Variants in LRRC40 observed in about 807,000 individuals in gnomAD.
LRRC40 encodes the protein leucine-rich repeat-containing protein 40.
LRRC40 carries 76 observed loss-of-function variants against 72.8 expected under a neutral mutation model. The observed-to-expected ratio is 1.04, with a 90% CI of 0.87 to 1.26. The LOEUF is 1.26. LRRC40 is among the 50% of genes most tolerant of loss of function. LRRC40 has a pLI of 0.00. For synonymous variants in LRRC40, 243 were observed against 254.2 expected, an observed-to-expected ratio of 0.96 and a Z score of 0.42; for missense variants, 684 against 698.9, an observed-to-expected ratio of 0.98 and a Z score of 0.24.
chr1:70,194,360 A>T (rs1668564090), intron 1 of LRRC40, among the ~76,000 whole-genome samples: 2 of 151,540 alleles, frequency 1.3e-5, no homozygotes. Context: ...CGAAACCATG[A>T]AATAGTATTA....
rs1225915444 is a variant in LRRC40 at position 70,144,902 on chromosome 1, G to C, written c.*898C>G. On this transcript the variant is annotated 3_prime_UTR_variant, in exon 15 of 15. Transcript: ENST00000370952. ...ATAAGCATGCCTCAATCATCCAAAA[G>C]CTATCTACCTATCTATATAAATTGA... 1 of 151,970 alleles carries C rather than the reference G, an allele frequency of 6.6e-6. No homozygotes were observed. Among genetic ancestry groups the C allele is most frequent in the Non-Finnish European group, 1.5e-5 (1 of 68,000 alleles). 9.4% of individuals were successfully genotyped at this position (151,970 alleles called of 1,614,324 possible).
At position 70,181,101 on chromosome 1, in the gene LRRC40, T is replaced by C. The variant is rs753150820; in HGVS notation, c.646A>G (p.Ile216Val). Reference sequence around the variant, plus strand: ...AAATATTTACTTTTCATTCTATTTATTTCTGCTGGCAAACTCTTCAGTTCA... The same window carrying C: ...AAATATTTACTTTTCATTCTATTTACTTCTGCTGGCAAACTCTTCAGTTCA... ...SNELKSLPAE[I>V]NRMKRLKHLD... The change falls in exon 5 of 15, where the codon ATA becomes GTA. Residue 216 changes from isoleucine (I) to valine (V), a missense_variant. Physicochemically the swap from Ile to Val is conservative, Grantham distance 29 (BLOSUM62 3). Transcript: ENST00000370952. 1 of 1,545,042 alleles carries C rather than the reference T, an allele frequency of 6.5e-7. No individual in the cohort carries two copies. Among genetic ancestry groups the C allele is most frequent in the African/African-American group, 1.4e-5 (1 of 72,606 alleles).
At chr1:70,181,293 G>T in intron 4 of LRRC40, 84 bp from the exon 5 acceptor site, 1 of 840,398 alleles carries the variant, frequency 1.2e-6, no homozygotes, top group South Asian at 2.3e-5. Flanking sequence ...TCAAATTTTT[G>T]AAGGAATTAC....
At chr1:70,201,547 G>A (rs901851739) in intron 1 of LRRC40, among the ~76,000 whole-genome samples, 4 of 152,152 alleles carry the variant, frequency 2.6e-5, no homozygotes, top group East Asian at 1.9e-4. Context: ...ACAAGGAAAC[G>A]AGCCCAATGA....
At chr1:70,147,810 C>T (rs1395752770) in intron 14 of LRRC40, 2 of 152,154 alleles carry the variant, frequency 1.3e-5, no homozygotes. Flanking sequence ...TCTGCTTAAC[C>T]ACTTGGCTTT....
At chr1:70,191,174 C>T (rs1668492202) in intron 1 of LRRC40, among the ~76,000 whole-genome samples, 1 of 148,308 alleles carries the variant, frequency 6.7e-6, no homozygotes, top group Non-Finnish European at 1.5e-5. Context: ...AAACAAAAAG[C>T]TCCAGATTTA....
intron 1 of LRRC40, among the ~76,000 whole-genome samples, chr1:70,194,770 G>A (rs1668573067): frequency 1.3e-5 from 2 of 152,038 alleles, no homozygotes. Context: ...AAACAATTTT[G>A]AAATAAAAGA....
intron 2 of LRRC40, among the ~76,000 whole-genome samples, chr1:70,188,407 G>A (rs1395087863): frequency 6.6e-6 from 1 of 152,152 alleles, no homozygotes; most frequent in Admixed American, 6.6e-5. Flanking sequence ...TATACATATA[G>A]ACTTGCTTTA....
At position 70,179,717 on chromosome 1, in the gene LRRC40, A is replaced by C. The variant is rs527770562; in HGVS notation, c.662-724T>G. 3.3e-5 allele frequency among the ~76,000 whole-genome samples: 5 copies of C among 152,304 alleles called. No homozygotes were observed. The South Asian group carries it at 1.0e-3, about 32-fold the overall frequency. On this transcript the variant is annotated intron_variant, in intron 5 of 14. Transcript: ENST00000370952. ...CTCTCAAGATATTTCCACTCAATTT[A>C]TGAAAAAAGTCCATGCTGCTTATGT... is the stretch of plus-strand genomic sequence containing the variant.
In LRRC40 at chr1:70,155,786, C is replaced by T. The variant is rs1005366481; in HGVS notation, c.1231G>A (p.Ala411Thr). The T allele has an allele frequency of 6.4e-7, 1 of 1,554,038 alleles. No homozygotes were observed. Among genetic ancestry groups the T allele is most frequent in the Non-Finnish European group, 8.8e-7 (1 of 1,138,402 alleles). Residue 411 changes from alanine (A) to threonine (T), a missense_variant, in exon 11 of 15, where the codon GCA (alanine) becomes ACA (threonine). Coordinates refer to ENST00000370952, the MANE Select transcript of LRRC40 (RefSeq NM_017768.5). ...LKILDYSDKQ[A>T]TLIPDEVFDA... The stretch of plus-strand genomic sequence containing the variant: ...AACACCTCATCAGGAATCAAAGTTG[C>T]TTGTTTATCACTAAATGAAAAATGG...
chr1:70,195,951 TAC>T (rs1365625188), intron 1 of LRRC40, among the ~76,000 whole-genome samples: 2 of 152,082 alleles, frequency 1.3e-5, no homozygotes, highest in South Asian at 4.1e-4. Flanking sequence ...CTTACTACTA[TAC>T]AATACAGCAA....
intron 10 of LRRC40, among the ~76,000 whole-genome samples, chr1:70,156,411 A>G (rs1378988168): frequency 6.6e-6 from 1 of 152,114 alleles, no homozygotes; most frequent in East Asian, 1.9e-4. Context: ...AATGAGCTTT[A>G]TAACTTACCT....
rs1446081704 is a variant in LRRC40 at position 70,163,366 on chromosome 1, C to T, written c.1112-3928G>A. ...CCTCCCAAAGTGCTGGGATTACAGT[C>T]GTAAGCCACCACCCCCAGCCTGCAT... On this transcript the variant is annotated intron_variant, in intron 9 of 14. Coordinates refer to ENST00000370952, the MANE Select transcript of LRRC40 (RefSeq NM_017768.5). 2.0e-5 allele frequency among the ~76,000 whole-genome samples: 3 copies of T among 152,108 alleles called. No homozygotes were observed. In the East Asian group the frequency reaches 5.8e-4, roughly 29 times the overall value.
At chr1:70,192,248 T>G (rs775377985) in intron 1 of LRRC40, among the ~76,000 whole-genome samples, 15 of 152,136 alleles carry the variant, frequency 9.9e-5, no homozygotes, top group Non-Finnish European at 1.9e-4. Flanking sequence ...TGAGATTGTC[T>G]TCCTGATTTG....
At chr1:70,175,497 T>A (rs1668082916) in intron 7 of LRRC40, among the ~76,000 whole-genome samples, 1 of 152,160 alleles carries the variant, frequency 6.6e-6, no homozygotes, top group Admixed American at 6.5e-5. Context: ...AGTAAATTCA[T>A]TCCAGCGTTC....
chr1:70,151,608 A>C (rs1667492952), intron 12 of LRRC40: 1 of 153,184 alleles, frequency 6.5e-6, no homozygotes, highest in Admixed American at 6.5e-5. Context: ...GAATTTAAAA[A>C]TTATTTTAAA....
At chr1:70,177,102 C>T (rs905187084) in intron 6 of LRRC40, among the ~76,000 whole-genome samples, 34 of 151,994 alleles carry the variant, frequency 2.2e-4, no homozygotes, top group Non-Finnish European at 4.3e-4. Context: ...ATGGCGAAAC[C>T]CCATCTCTAT....
intron 1 of LRRC40, among the ~76,000 whole-genome samples, chr1:70,194,466 A>G (rs937992983): frequency 2.0e-5 from 3 of 152,162 alleles, no homozygotes; most frequent in Non-Finnish European, 4.4e-5. Flanking sequence ...AACATAAGAC[A>G]GCTTGGAAGA....
chr1:70,175,682 T>C, intron 7 of LRRC40, 128 bp downstream of exon 7: 2 of 644,134 alleles, frequency 3.1e-6, no homozygotes, highest in South Asian at 2.3e-5. Flanking sequence ...ACATAACTAC[T>C]GCTCAATCAA....
Sources: gnomAD v4.1 joint callset for allele counts (sites outside exome capture counted in the v4.1 genomes callset) on GRCh38, gnomAD v4.1.1 for gene constraint, MANE v1.5 for transcripts, NCBI Gene and HGNC (gene_info 2026-07-23, HGNC 2026-07-21) for gene names.